The following ADGRL2 variants were observed in gnomAD, a reference collection of about 807,000 sequenced individuals.
The protein encoded by ADGRL2 is adhesion G protein-coupled receptor L2.
In ADGRL2, 44 loss-of-function variants were observed where a neutral mutation model predicts 157.4. That is an observed-to-expected ratio of 0.28 (90% CI 0.22 to 0.36). The LOEUF is 0.36. Ranked by LOEUF, ADGRL2 falls within the 10% of genes least tolerant of loss-of-function variation. The pLI, the probability that ADGRL2 is intolerant of heterozygous loss-of-function variation, is 1.00. For missense variants in ADGRL2, 1,510 were observed against 1,768.9 expected (o/e 0.85, Z 2.63); for synonymous variants, 585 against 624.7 (o/e 0.94, Z 0.95).
At chr1:81,466,505 T>G (rs2078056026) in intron 2 of ADGRL2, among the ~76,000 whole-genome samples, 1 of 152,154 alleles carries the variant, frequency 6.6e-6, no homozygotes, top group African/African-American at 2.4e-5. Flanking sequence ...TCATCTCTAT[T>G]GTGCCTATGC....
intron 1 of ADGRL2, among the ~76,000 whole-genome samples, chr1:81,412,240 C>T (rs985252308): frequency 3.3e-5 from 5 of 152,164 alleles, no homozygotes; most frequent in African/African-American, 1.2e-4. Flanking sequence ...GTTCCAAAGG[C>T]AGTGCATGTA....
At chr1:81,530,148 C>G (rs189775750) in intron 2 of ADGRL2, among the ~76,000 whole-genome samples, 1 of 152,080 alleles carries the variant, frequency 6.6e-6, no homozygotes, top group Non-Finnish European at 1.5e-5. Context: ...ACAGGCCTAG[C>G]ACCTGGTAGT....
intron 2 of ADGRL2, among the ~76,000 whole-genome samples, chr1:81,768,261 T>C (rs1394583228): frequency 6.6e-6 from 1 of 152,074 alleles, no homozygotes; most frequent in East Asian, 1.9e-4. Context: ...TTGCCAGGGC[T>C]GGTCTTGAAC....
At chr1:81,661,619 T>C (rs749534941) in intron 3 of ADGRL2, among the ~76,000 whole-genome samples, 4 of 152,182 alleles carry the variant, frequency 2.6e-5, no homozygotes, top group Non-Finnish European at 5.9e-5. Flanking sequence ...TTAACTTCAC[T>C]CATCTGTCTT....
At chr1:81,437,965 T>C (rs994415043) in intron 1 of ADGRL2, among the ~76,000 whole-genome samples, 1 of 152,036 alleles carries the variant, frequency 6.6e-6, no homozygotes, top group African/African-American at 2.4e-5. Context: ...TAGTCACCTA[T>C]GTCCCCACAG....
chr1:81,367,795 G>T (rs948455422), intron 1 of ADGRL2, among the ~76,000 whole-genome samples: 1 of 152,060 alleles, frequency 6.6e-6, no homozygotes, highest in East Asian at 1.9e-4. Flanking sequence ...CAGGTGATCC[G>T]TCCACCTTGG....
chr1:81,895,393 C>CTTTTTTTT lies in ADGRL2; in HGVS notation c.74-11609_74-11602dup, dbSNP rs34557038. On this transcript the variant is annotated intron_variant, in intron 2 of 23. Transcript: ENST00000686636. ...CTCATGTGATTCAATTTAAATGTAT[C>CTTTTTTTT]TTTTTTTTTTTTTTTTTTTTTTGAG... 2.0e-4 allele frequency among the ~76,000 whole-genome samples: 20 copies of CTTTTTTTT among 97,580 alleles called. No homozygotes were observed. The East Asian group carries it at 2.4e-3, about 12-fold the overall frequency. 64.0% of individuals were successfully genotyped at this position (97,580 alleles called of 152,430 possible).
intron 11 of ADGRL2, among the ~76,000 whole-genome samples, chr1:81,962,312 A>T: frequency 6.6e-6 from 1 of 152,038 alleles, no homozygotes; most frequent in South Asian, 2.1e-4. Context: ...TACCTATGTT[A>T]GTTTTCTCTC....
chr1:81,895,117 G>A (rs1557863002), intron 2 of ADGRL2, among the ~76,000 whole-genome samples: 1 of 152,162 alleles, frequency 6.6e-6, no homozygotes, highest in African/African-American at 2.4e-5. Flanking sequence ...GTGGTTGCGT[G>A]TGGTCACCTT....
intron 2 of ADGRL2, among the ~76,000 whole-genome samples, chr1:81,569,040 T>C (rs1359846162): frequency 6.6e-6 from 1 of 152,146 alleles, no homozygotes; most frequent in Non-Finnish European, 1.5e-5. Flanking sequence ...TCTTTAAATT[T>C]CCTCTGTATA....
chr1:81,384,266 A>G (rs957401957), intron 1 of ADGRL2, among the ~76,000 whole-genome samples: 1 of 152,234 alleles, frequency 6.6e-6, no homozygotes, highest in African/African-American at 2.4e-5. Context: ...TATGTCCTCT[A>G]CATGAGGAAG....
intron 1 of ADGRL2, among the ~76,000 whole-genome samples, chr1:81,824,965 C>CTCTT (rs2091321796): frequency 7.2e-6 from 1 of 139,840 alleles, no homozygotes; most frequent in South Asian, 2.3e-4. Flanking sequence ...CTCTCTCTCT[C>CTCTT]TCTCTCTCTC....
chr1:81,371,159 C>T (rs775111508), intron 1 of ADGRL2, among the ~76,000 whole-genome samples: 2 of 152,296 alleles, frequency 1.3e-5, no homozygotes, highest in African/African-American at 4.8e-5. Context: ...ATCCACAGAA[C>T]CATTACATTA....
At chr1:81,543,551 A>T (rs2079941665) in intron 2 of ADGRL2, among the ~76,000 whole-genome samples, 1 of 152,148 alleles carries the variant, frequency 6.6e-6, no homozygotes, top group Non-Finnish European at 1.5e-5. Flanking sequence ...TAAAATACAT[A>T]TTTATTTCTG....
chr1:81,759,503 G>A (rs2085798870), intron 1 of ADGRL2, among the ~76,000 whole-genome samples: 2 of 152,118 alleles, frequency 1.3e-5, no homozygotes. Flanking sequence ...ATTTATGAAA[G>A]TATAATTAAC....
intron 2 of ADGRL2, among the ~76,000 whole-genome samples, chr1:81,455,695 C>G (rs542572993): frequency 7.9e-5 from 12 of 152,158 alleles, no homozygotes; most frequent in Non-Finnish European, 1.8e-4. Context: ...TGTATATGTT[C>G]TGTTTCTTAG....
At chr1:81,412,437 G>A (rs1359644827) in intron 1 of ADGRL2, among the ~76,000 whole-genome samples, 1 of 152,186 alleles carries the variant, frequency 6.6e-6, no homozygotes, top group Non-Finnish European at 1.5e-5. Flanking sequence ...TTCTCTTACA[G>A]TTCAACTTTA....
At chr1:81,641,250 G>T (rs1225890612) in intron 3 of ADGRL2, among the ~76,000 whole-genome samples, 1 of 152,166 alleles carries the variant, frequency 6.6e-6, no homozygotes, top group African/African-American at 2.4e-5. Context: ...TATATGAAAT[G>T]GACACATCCA....
At chr1:81,968,243 A>G (rs375343434) in intron 14 of ADGRL2, 44 bp downstream of exon 14, 152 of 1,538,942 alleles carry the variant, frequency 9.9e-5, no homozygotes, top group Non-Finnish European at 1.3e-4. Context: ...AAAACCTCAG[A>G]GATTCAAAAC....
Sources: allele counts gnomAD v4.1 joint callset (sites outside exome capture counted in the v4.1 genomes callset), GRCh38; gene constraint gnomAD v4.1.1; transcripts MANE v1.5; gene names NCBI Gene and HGNC (gene_info 2026-07-23, HGNC 2026-07-21).